CWC22: variants seen among roughly 807,000 people sequenced by gnomAD.
CWC22 encodes the protein pre-mRNA-splicing factor CWC22 homolog.
Under a neutral mutation model 117.2 loss-of-function variants are expected in CWC22, and 53 were observed. The observed-to-expected ratio is 0.45, with a 90% CI of 0.36 to 0.57. The LOEUF is 0.57. Among genes scored for constraint, CWC22 ranks in the 20% least tolerant of loss-of-function variants. The pLI is 0.00. For missense variants in CWC22, 980 were observed against 1,068.8 expected (o/e 0.92, Z 1.16); for synonymous variants, 360 against 355.6 (o/e 1.01, Z -0.14).
intron 1 of CWC22, among the ~76,000 whole-genome samples, chr2:179,993,840 A>C (rs1182735499): frequency 6.6e-6 from 1 of 152,192 alleles, no homozygotes; most frequent in Non-Finnish European, 1.5e-5. Flanking sequence ...AACTCTATAT[A>C]AACTGAGTAT....
At chr2:179,993,004 TACACAC>T (rs3030021) in intron 2 of CWC22, among the ~76,000 whole-genome samples, 2 of 151,822 alleles carry the variant, frequency 1.3e-5, no homozygotes, top group Admixed American at 6.6e-5. Context: ...TCCATGTGTA[TACACAC>T]ACACACACGC....
intron 14 of CWC22, among the ~76,000 whole-genome samples, chr2:179,957,897 T>C (rs1686638456): frequency 6.6e-6 from 1 of 152,104 alleles, no homozygotes. Context: ...ATCTTTATTA[T>C]CCTTGGCATT....
chr2:179,982,454 T>C (rs1004432430), intron 4 of CWC22, among the ~76,000 whole-genome samples: 3 of 152,140 alleles, frequency 2.0e-5, no homozygotes, highest in African/African-American at 7.2e-5. Context: ...GAGAGTGGCA[T>C]GAAAAGAGTG....
chr2:179,958,969 A>G (rs1404754836), intron 14 of CWC22, 53 bp downstream of exon 14: 37 of 1,125,968 alleles, frequency 3.3e-5, no homozygotes, highest in Non-Finnish European at 4.8e-5. Context: ...AACAGCCTTA[A>G]ACATTTTTAA....
rs1056358626 is a variant in CWC22, at chr2:179,945,095, A to ATAAG, written c.*30_*33dup. 3 of 1,433,562 alleles carry ATAAG rather than the reference A, an allele frequency of 2.1e-6. No individual in the cohort carries two copies. The highest frequency in any genetic ancestry group is 2.8e-6 in the Non-Finnish European group (3 of 1,053,208). The allele number at this position is 1,433,562 out of a possible 1,614,324, so 88.8% of individuals were successfully genotyped here. On this transcript the variant is annotated 3_prime_UTR_variant, in exon 20 of 20. Transcript: ENST00000410053. ...AAAAAATAATTTGTTTCAACTGAATATAAGGCATGTCCAGTTTATGTCATT... is the reference window on the plus strand; with the variant it reads ...AAAAAATAATTTGTTTCAACTGAATATAAGTAAGGCATGTCCAGTTTATGTCATT...
intron 11 of CWC22, among the ~76,000 whole-genome samples, chr2:179,966,976 ATC>A (rs1235343062): frequency 1.3e-5 from 2 of 152,250 alleles, no homozygotes; most frequent in African/African-American, 4.8e-5. Context: ...TGCAGCCCTT[ATC>A]TGACATATAA....
rs747753250 is a variant in CWC22 at position 179,965,890 on chromosome 2, C to T, written c.1303G>A (p.Glu435Lys). 1.3e-6 allele frequency: 2 copies of T among 1,533,892 alleles called. No individual in the cohort carries two copies. Among genetic ancestry groups the T allele is most frequent in the South Asian group, 2.2e-5 (2 of 89,222 alleles). ...DEEEEEEEGEEDEEGQKVTIH... is the reference protein window; with the variant it reads ...DEEEEEEEGEKDEEGQKVTIH... ...GCTACATGTTTACCTTCTTCATCTT[C>T]TTCTCCCTCTTCCTCTTCTTCTTCC... is the stretch of plus-strand genomic sequence containing the variant. The change falls in exon 12 of 20, where the codon GAA becomes AAA. Residue 435 changes from glutamate to lysine, a missense_variant. By Grantham distance (56) the Glu-to-Lys change is moderately conservative. Coordinates refer to ENST00000410053, the MANE Select transcript of CWC22 (RefSeq NM_020943.3).
chr2:179,973,557 C>A (rs1389538093), intron 7 of CWC22, 77 bp downstream of exon 7: 3 of 932,126 alleles, frequency 3.2e-6, no homozygotes, highest in Non-Finnish European at 4.8e-6. Flanking sequence ...TCAAAATCAA[C>A]CTTGCTTACT....
intron 1 of CWC22, among the ~76,000 whole-genome samples, chr2:179,998,900 T>A (rs1232426265): frequency 6.6e-6 from 1 of 152,198 alleles, no homozygotes; most frequent in Non-Finnish European, 1.5e-5. Context: ...CCCAACCTAC[T>A]TACACATTTC....
intron 14 of CWC22, among the ~76,000 whole-genome samples, chr2:179,956,003 T>C (rs780620268): frequency 1.2e-4 from 18 of 152,046 alleles, no homozygotes; most frequent in Non-Finnish European, 1.8e-4. Flanking sequence ...GTAATATACT[T>C]GCTTTGTGCA....
At position 179,954,237 on chromosome 2, in the gene CWC22, G is replaced by A. The variant is rs1358556296; in HGVS notation, c.1657C>T (p.His553Tyr). ...KLRNVAKMFAHLLYTDSLPWS... is the reference protein window; with the variant it reads ...KLRNVAKMFAYLLYTDSLPWS... ...GGAAGTGAATCAGTGTATAAAAGGT[G>A]AGCAAACATCTTAGCAACATTTCGC... is the stretch of plus-strand genomic sequence containing the variant. Residue 553 changes from histidine (H) to tyrosine (Y), a missense_variant, in exon 16 of 20, where the codon CAC becomes TAC. His to Tyr is a moderately conservative substitution (Grantham distance 83, BLOSUM62 2). Transcript: ENST00000410053. 6.2e-7 allele frequency: 1 copy of A among 1,611,752 alleles called. No homozygotes were observed.
At chr2:179,956,811 T>C (rs1395693726) in intron 14 of CWC22, among the ~76,000 whole-genome samples, 2 of 151,306 alleles carry the variant, frequency 1.3e-5, no homozygotes, top group Non-Finnish European at 2.9e-5. Flanking sequence ...CATTACATTT[T>C]ATAATATAAC....
At chr2:179,958,604 T>G (rs1686665171) in intron 14 of CWC22, among the ~76,000 whole-genome samples, 1 of 152,034 alleles carries the variant, frequency 6.6e-6, no homozygotes, top group African/African-American at 2.4e-5. Context: ...GTGTATTTTA[T>G]GTGTGGCCCA....
rs1686428244 is a variant in CWC22, at chr2:179,950,820, CT to C, written c.1919+4del. 1 of 1,601,760 alleles carries C rather than the reference CT, an allele frequency of 6.2e-7. No individual in the cohort carries two copies. The highest frequency in any genetic ancestry group is 1.3e-5 in the African/African-American group (1 of 74,460). Reference sequence around the variant, plus strand: ...CTGAACATAAATTCTGAGAATAATCCTTACGTTAAACCTCCAAGACCTATAG... The same window carrying C: ...CTGAACATAAATTCTGAGAATAATCCTACGTTAAACCTCCAAGACCTATAG... On this transcript the variant is annotated splice_donor_region_variant and intron_variant, in intron 18 of 19. Coordinates refer to ENST00000410053, the MANE Select transcript of CWC22 (RefSeq NM_020943.3).
rs370784425 is a variant in CWC22 at position 179,949,892 on chromosome 2, A to C, written c.2140+620T>G. Among the ~76,000 whole-genome samples the C allele has an allele frequency of 9.8e-5, 15 of 152,336 alleles. No homozygotes were observed. The East Asian group carries it at 2.9e-3, about 29-fold the overall frequency. On this transcript the variant is annotated intron_variant, in intron 19 of 19. Transcript: ENST00000410053. ...AATCTCACAAACATAATGGTAAAAAAATAAGCCAGACATAAAAAGGAGTCC... is the reference window on the plus strand; with the variant it reads ...AATCTCACAAACATAATGGTAAAAACATAAGCCAGACATAAAAAGGAGTCC...
At chr2:179,955,186 G>A (rs1025716973) in intron 14 of CWC22, among the ~76,000 whole-genome samples, 152 bp from the exon 15 acceptor site, 1 of 151,970 alleles carries the variant, frequency 6.6e-6, no homozygotes, top group African/African-American at 2.4e-5. Flanking sequence ...CTCAATCTAT[G>A]TTAAACTCAT....
intron 6 of CWC22, 148 bp from the exon 7 acceptor site, chr2:179,973,950 A>T (rs73975735): frequency 0.074 from 33,089 of 445,472 alleles, 1,898 homozygotes; most frequent in East Asian, 0.25. Flanking sequence ...TCTTACTAAT[A>T]AATAAAAATT....
chr2:179,962,554 T>C (rs572598745), intron 13 of CWC22, among the ~76,000 whole-genome samples: 2 of 152,314 alleles, frequency 1.3e-5, no homozygotes, highest in South Asian at 4.1e-4. Context: ...TTGCTCACAT[T>C]TAAAACAATT....
At chr2:179,963,506 C>G (rs1332948602) in intron 13 of CWC22, among the ~76,000 whole-genome samples, 7 of 149,978 alleles carry the variant, frequency 4.7e-5, no homozygotes, top group Admixed American at 2.0e-4. Flanking sequence ...CCACGCCCGG[C>G]TAATTTTTTG....
Sources: allele counts gnomAD v4.1 joint callset (sites outside exome capture counted in the v4.1 genomes callset), GRCh38; gene constraint gnomAD v4.1.1; transcripts MANE v1.5; gene names NCBI Gene and HGNC (gene_info 2026-07-23, HGNC 2026-07-21).